The following TIAM2 variants were observed in gnomAD, a reference collection of about 807,000 sequenced individuals.
TIAM2 encodes rho guanine nucleotide exchange factor TIAM2.
TIAM2 carries 80 observed loss-of-function variants against 152.9 expected under a neutral mutation model. The ratio of observed to expected loss-of-function variants is 0.52; its 90% CI spans 0.44 to 0.63. The LOEUF is 0.63. Among genes scored for constraint, TIAM2 ranks in the 30% least tolerant of loss-of-function variants. TIAM2 has a pLI of 0.00. For missense variants in TIAM2, 1,965 were observed against 2,120.1 expected, an observed-to-expected ratio of 0.93 and a Z score of 1.44; for synonymous variants, 804 against 838.0, an observed-to-expected ratio of 0.96 and a Z score of 0.70.
intron 14 of TIAM2, among the ~76,000 whole-genome samples, chr6:155,194,370 G>A (rs190276856): frequency 6.6e-6 from 1 of 152,306 alleles, no homozygotes; most frequent in East Asian, 1.9e-4. Flanking sequence ...AGATGATCAG[G>A]GTATGGTGGG....
intron 2 of TIAM2, among the ~76,000 whole-genome samples, chr6:155,091,518 G>T (rs553623168): frequency 1.3e-5 from 2 of 152,276 alleles, no homozygotes; most frequent in Non-Finnish European, 2.9e-5. Context: ...AGGTTTGTCT[G>T]TTTAAACATT....
intron 15 of TIAM2, among the ~76,000 whole-genome samples, chr6:155,219,213 TCAC>T (rs891497757): frequency 1.3e-5 from 2 of 152,198 alleles, no homozygotes; most frequent in African/African-American, 4.8e-5. Flanking sequence ...CAAAGTCTGC[TCAC>T]CGTGTAGCTG....
chr6:155,176,572 A>G (rs559238649), intron 9 of TIAM2, among the ~76,000 whole-genome samples: 1 of 152,202 alleles, frequency 6.6e-6, no homozygotes, highest in African/African-American at 2.4e-5. Context: ...CGGTCAATTG[A>G]CACAGTGGAA....
intron 5 of TIAM2, among the ~76,000 whole-genome samples, chr6:155,141,005 T>G (rs921157918): frequency 6.6e-6 from 1 of 152,194 alleles, no homozygotes; most frequent in Non-Finnish European, 1.5e-5. Context: ...TCCTGTATTT[T>G]ATCCCAAAAG....
intron 1 of TIAM2, among the ~76,000 whole-genome samples, chr6:155,052,430 C>G (rs1777338654): frequency 6.6e-6 from 1 of 151,978 alleles, no homozygotes. Flanking sequence ...TGATTATCTC[C>G]TGATTATGCT....
intron 14 of TIAM2, among the ~76,000 whole-genome samples, chr6:155,207,956 C>G (rs1340607603): frequency 1.3e-5 from 2 of 152,160 alleles, no homozygotes; most frequent in African/African-American, 4.8e-5. Flanking sequence ...CCGCTTTTGA[C>G]ATCAGCCATG....
At chr6:155,083,061 G>C (rs916100693) in intron 1 of TIAM2, among the ~76,000 whole-genome samples, 3 of 152,062 alleles carry the variant, frequency 2.0e-5, no homozygotes, top group Non-Finnish European at 4.4e-5. Context: ...AAGAAGTAGA[G>C]GTGGGGCCGG....
intron 26 of TIAM2, chr6:155,255,576 C>T (rs754166926): frequency 2.2e-4 from 34 of 151,878 alleles, no homozygotes; most frequent in Admixed American, 5.3e-4. Flanking sequence ...AACACCAAAA[C>T]TGAGAACTCC....
chr6:155,178,700 G>A (rs1780818762), intron 10 of TIAM2, among the ~76,000 whole-genome samples: 3 of 151,878 alleles, frequency 2.0e-5, no homozygotes, highest in South Asian at 4.1e-4. Context: ...TCAGCCTCCC[G>A]AGTAGCTAGT....
intron 9 of TIAM2, among the ~76,000 whole-genome samples, chr6:155,173,747 G>A (rs988805531): frequency 3.3e-5 from 5 of 152,190 alleles, no homozygotes; most frequent in African/African-American, 1.2e-4. Flanking sequence ...CTCCTGGTGC[G>A]GGACTTAGAA....
At chr6:155,154,402 C>T (rs1263452574) in intron 7 of TIAM2, among the ~76,000 whole-genome samples, 1 of 152,166 alleles carries the variant, frequency 6.6e-6, no homozygotes, top group Non-Finnish European at 1.5e-5. Context: ...GAGCTACATA[C>T]GGTCAGTGGT....
At chr6:155,254,385 A>C in intron 25 of TIAM2, 34 bp from the exon 26 acceptor site, 1 of 1,604,402 alleles carries the variant, frequency 6.2e-7, no homozygotes, top group Non-Finnish European at 8.5e-7. Flanking sequence ...AACACTGTGG[A>C]CACTTCTGCT....
In TIAM2 at chr6:155,165,308, C is replaced by T; in HGVS notation, c.2260C>T (p.Leu754=). ...TGCTCTCCGGAAAAGGACACTGTCACTGACCCAGCGAGGGAGAAACAAGAA... is the reference window on the plus strand; with the variant it reads ...TGCTCTCCGGAAAAGGACACTGTCATTGACCCAGCGAGGGAGAAACAAGAA... ...DSALRKRTLS[L]TQRGRNKKGI... Residue 754 remains leucine, a synonymous_variant, in exon 9 of 27, where the codon CTG becomes TTG. Coordinates refer to ENST00000682666, the MANE Select transcript of TIAM2 (RefSeq NM_012454.4). 6.2e-7 allele frequency: 1 copy of T among 1,614,108 alleles called. No individual in the cohort carries two copies. The highest frequency in any genetic ancestry group is 8.5e-7 in the Non-Finnish European group (1 of 1,180,028).
chr6:155,247,989 T>C lies in TIAM2; in HGVS notation c.3653-11T>C. ...GTGCTCTTCTGAGGTCTTTTATCCA[T>C]CTGCTTGTAGCTAAAACTGACAAAG... On this transcript the variant is annotated splice_polypyrimidine_tract_variant and intron_variant, in intron 19 of 26. Coordinates refer to ENST00000682666, the MANE Select transcript of TIAM2 (RefSeq NM_012454.4). The C allele has an allele frequency of 6.2e-7, 1 of 1,612,566 alleles. No homozygotes were observed. Among genetic ancestry groups the C allele is most frequent in the Non-Finnish European group, 8.5e-7 (1 of 1,179,018 alleles).
chr6:155,192,662 G>A (rs1034690942), intron 14 of TIAM2, among the ~76,000 whole-genome samples: 2 of 151,524 alleles, frequency 1.3e-5, no homozygotes, highest in African/African-American at 4.9e-5. Flanking sequence ...AACTTAGTGA[G>A]TAGCCTTATT....
intron 1 of TIAM2, among the ~76,000 whole-genome samples, chr6:155,049,193 C>T (rs765540758): frequency 1.1e-4 from 16 of 152,076 alleles, no homozygotes; most frequent in African/African-American, 2.9e-4. Context: ...AATGCACATG[C>T]GGAAGTGGGC....
At chr6:155,237,445 C>G (rs779923817) in intron 15 of TIAM2, among the ~76,000 whole-genome samples, 21 of 152,226 alleles carry the variant, frequency 1.4e-4, no homozygotes, top group Non-Finnish European at 2.6e-4. Flanking sequence ...GATGGTGGCC[C>G]TCTTCTCACA....
At chr6:155,067,439 C>G (rs1777723322) in intron 1 of TIAM2, among the ~76,000 whole-genome samples, 1 of 152,160 alleles carries the variant, frequency 6.6e-6, no homozygotes, top group Admixed American at 6.5e-5. Context: ...GACTTGAGCT[C>G]TCTGTCCCTG....
At chr6:155,168,413 A>G (rs917212581) in intron 9 of TIAM2, among the ~76,000 whole-genome samples, 1 of 152,190 alleles carries the variant, frequency 6.6e-6, no homozygotes, top group African/African-American at 2.4e-5. Flanking sequence ...GCTGCAGTGC[A>G]GTGGCATGAT....
Sources: allele counts gnomAD v4.1 joint callset (sites outside exome capture counted in the v4.1 genomes callset), GRCh38; gene constraint gnomAD v4.1.1; transcripts MANE v1.5; gene names NCBI Gene and HGNC (gene_info 2026-07-23, HGNC 2026-07-21).